The following NLRP13 variants were observed in gnomAD, a reference collection of about 807,000 sequenced individuals.
NLRP13 encodes the protein NLR family pyrin domain containing 13.
A neutral mutation model predicts 94.4 loss-of-function variants in NLRP13; 82 were observed. The ratio of observed to expected loss-of-function variants is 0.87; its 90% CI spans 0.73 to 1.04. NLRP13 has a LOEUF of 1.04. NLRP13 is among the 50% of genes least tolerant of loss of function. The probability of loss-of-function intolerance (pLI) is 0.00; values close to 1 mark genes in which losing one functional copy is unlikely to be tolerated. For synonymous variants in NLRP13, 553 were observed against 464.7 expected (o/e 1.19, Z -2.45); for missense variants, 1,426 against 1,230.8 (o/e 1.16, Z -2.37).
chr19:55,901,232 G>A (rs184426120), intron 9 of NLRP13, among the ~76,000 whole-genome samples: 36 of 152,336 alleles, frequency 2.4e-4, no homozygotes, highest in Admixed American at 2.3e-3. Flanking sequence ...CTTCTCTTTG[G>A]CCCGTCGCCA....
chr19:55,899,796 C>T (rs935458607), intron 9 of NLRP13, among the ~76,000 whole-genome samples: 3 of 151,964 alleles, frequency 2.0e-5, no homozygotes, highest in Non-Finnish European at 4.4e-5. Context: ...ATTTTGACTA[C>T]GTGAAGAACG....
intron 1 of NLRP13, among the ~76,000 whole-genome samples, chr19:55,926,897 T>G (rs1471013435): frequency 1.3e-5 from 2 of 152,152 alleles, no homozygotes; most frequent in Non-Finnish European, 2.9e-5. Context: ...CCAAATGATT[T>G]TTGACAAAGA....
Position 55,923,915 on chromosome 19 carries a change from TG to T in NLRP13, c.521del (p.Ala174GlufsTer11). 6.2e-7 allele frequency: 1 copy of T among 1,613,042 alleles called. No individual in the cohort carries two copies. The highest frequency in any genetic ancestry group is 8.5e-7 in the Non-Finnish European group (1 of 1,179,000). On this transcript the variant is annotated frameshift_variant and splice_region_variant, in exon 4 of 11. Coordinates refer to ENST00000342929, the MANE Select transcript of NLRP13 (RefSeq NM_176810.2). LOFTEE classifies it high-confidence loss of function. ...NQEEPEMLEE[A>X]DHRRKYRENM... ...ATCAACATAAAGTAGTATACACACC[TG>T]CTTCCTCTAGCATCTCTGGTTCTTC...
downstream of NLRP13, among the ~76,000 whole-genome samples, chr19:55,893,700 A>G (rs1985921288): frequency 6.6e-6 from 1 of 152,192 alleles, no homozygotes; most frequent in African/African-American, 2.4e-5. Context: ...TTCACTGTGT[A>G]TGAATAAATC....
rs75645686 is a variant in NLRP13 at position 55,921,980 on chromosome 19, A to G, written c.523+1934T>C. On this transcript the variant is annotated intron_variant, in intron 4 of 10. Transcript: ENST00000342929. ...AAGAGTAGGTAATTTATAAAGAAAAATAAGTTTGATGGACTCACAGTTCCA... is the reference window on the plus strand; with the variant it reads ...AAGAGTAGGTAATTTATAAAGAAAAGTAAGTTTGATGGACTCACAGTTCCA... Among the ~76,000 whole-genome samples the G allele has an allele frequency of 7.8e-3, 1,186 of 152,332 alleles. 16 individuals carry two copies. The highest frequency in any genetic ancestry group is 0.025 in the African/African-American group (1,057 of 41,560).
chr19:55,904,667 A>G (rs1986285371), intron 8 of NLRP13, among the ~76,000 whole-genome samples: 1 of 152,060 alleles, frequency 6.6e-6, no homozygotes, highest in African/African-American at 2.4e-5. Context: ...GCCTTGTTCT[A>G]TCTCTGCTAG....
chr19:55,931,718 A>AGAAAGACAGAAAGAAAGACAG, intron 1 of NLRP13, among the ~76,000 whole-genome samples: 1 of 96,032 alleles, frequency 1.0e-5, no homozygotes. Context: ...TCAAAAAAAA[A>AGAAAGACAGAAAGAAAGACAG]AAAAAAAGAA....
chr19:55,915,803 G>A (rs1436080), intron 4 of NLRP13, among the ~76,000 whole-genome samples: 26,192 of 151,714 alleles, frequency 0.17, 2,884 homozygotes, highest in African/African-American at 0.3. Context: ...TGATCATGGA[G>A]CCCAAGCTCC....
In NLRP13 at chr19:55,898,995, T is replaced by C. The variant is rs927867584; in HGVS notation, c.2790-58A>G. The C allele has an allele frequency of 1.7e-5, 26 of 1,520,660 alleles. No homozygotes were observed. In the African/African-American group the frequency reaches 3.3e-4, roughly 19 times the overall value. 94.2% of individuals were successfully genotyped at this position (1,520,660 alleles called of 1,614,324 possible). A position where few individuals can be genotyped will look rare whatever the true frequency, so the allele number is the denominator to read the frequency against. ...GTAATTGCGTCCCGAAGCTGTGCTG[T>C]GTTTACAACTGCCCATCTCACGTCC... is the stretch of plus-strand genomic sequence containing the variant. On this transcript the variant is annotated intron_variant, in intron 9 of 10. Transcript: ENST00000342929.
intron 10 of NLRP13, among the ~76,000 whole-genome samples, chr19:55,898,453 G>A (rs984603373): frequency 2.6e-5 from 4 of 151,488 alleles, no homozygotes; most frequent in East Asian, 1.9e-4. Context: ...CAGGTGATCC[G>A]CCCACCTCGA....
At chr19:55,927,095 G>A (rs1348937191) in intron 1 of NLRP13, among the ~76,000 whole-genome samples, 1 of 152,056 alleles carries the variant, frequency 6.6e-6, no homozygotes, top group African/African-American at 2.4e-5. Flanking sequence ...AACCAGCCCA[G>A]CACATTGGCT....
At chr19:55,930,900 A>ATTTTTTT (rs56336813) in intron 1 of NLRP13, among the ~76,000 whole-genome samples, 7 of 105,152 alleles carry the variant, frequency 6.7e-5, no homozygotes, top group Admixed American at 2.1e-4. Flanking sequence ...ATATATATAA[A>ATTTTTTT]ATTTTAACCA....
intron 9 of NLRP13, 136 bp from the exon 10 acceptor site, chr19:55,899,073 A>G: frequency 1.1e-6 from 1 of 910,360 alleles, no homozygotes; most frequent in Non-Finnish European, 1.6e-6. Context: ...TCGAAGGAGG[A>G]GGGTGCGAGT....
intron 7 of NLRP13, among the ~76,000 whole-genome samples, chr19:55,905,469 A>T (rs548954924): frequency 8.4e-6 from 1 of 119,164 alleles, no homozygotes; most frequent in Non-Finnish European, 2.0e-5. Flanking sequence ...ATACACACAT[A>T]TATACATATA....
chr19:55,910,526 A>T, intron 6 of NLRP13, 37 bp downstream of exon 6: 1 of 1,524,850 alleles, frequency 6.6e-7, no homozygotes, highest in Middle Eastern at 1.8e-4. Context: ...AGATTCTCCT[A>T]GGGTATCTTC....
chr19:55,902,827 CTA>C (rs10611898), intron 8 of NLRP13, among the ~76,000 whole-genome samples: 3 of 150,120 alleles, frequency 2.0e-5, no homozygotes, highest in East Asian at 1.9e-4. Context: ...TAAATATTAA[CTA>C]TATATTACAT....
At chr19:55,903,856 A>G (rs1055918545) in intron 8 of NLRP13, among the ~76,000 whole-genome samples, 2 of 152,026 alleles carry the variant, frequency 1.3e-5, no homozygotes, top group African/African-American at 4.8e-5. Flanking sequence ...TCTTGCTCAT[A>G]CTGGTATTTT....
At chr19:55,909,005 G>C (rs1986430078) in intron 6 of NLRP13, among the ~76,000 whole-genome samples, 1 of 152,148 alleles carries the variant, frequency 6.6e-6, no homozygotes, top group South Asian at 2.1e-4. Context: ...TTTGAGGAAA[G>C]TTACGATCAA....
rs1338071833 is a variant in NLRP13, at chr19:55,930,901, A to ATATATATATTTTT, written c.319+1091_319+1092insAAAAATATATATA. Among the ~76,000 whole-genome samples, 540 of 98,228 alleles carry ATATATATATTTTT rather than the reference A, an allele frequency of 5.5e-3. 9 individuals carry two copies. The highest frequency in any genetic ancestry group is 0.022 in the Admixed American group (227 of 10,530). 64.4% of individuals were successfully genotyped at this position (98,228 alleles called of 152,430 possible). A position where few individuals can be genotyped will look rare whatever the true frequency, so the allele number is the denominator to read the frequency against. On this transcript the variant is annotated intron_variant, in intron 1 of 10. Coordinates refer to ENST00000342929, the MANE Select transcript of NLRP13 (RefSeq NM_176810.2). ...ATATATATATATATATATATATAAA[A>ATATATATATTTTT]TTTTAACCAGAAGCTTAAACAGCAT...
Sources: allele counts gnomAD v4.1 joint callset (sites outside exome capture counted in the v4.1 genomes callset), GRCh38; gene constraint gnomAD v4.1.1; transcripts MANE v1.5; gene names NCBI Gene and HGNC (gene_info 2026-07-23, HGNC 2026-07-21).